MOXD1: variants seen among roughly 807,000 people sequenced by gnomAD.
MOXD1 encodes the protein monooxygenase DBH like 1.
A neutral mutation model predicts 66.6 loss-of-function variants in MOXD1; 62 were observed. That is an observed-to-expected ratio of 0.93 (90% CI 0.76 to 1.15). MOXD1 has a LOEUF of 1.15. MOXD1 is among the 50% of genes most tolerant of loss of function. The pLI is 0.00. For synonymous variants in MOXD1, 303 were observed against 281.9 expected (o/e 1.07, Z -0.75); for missense variants, 847 against 754.6 (o/e 1.12, Z -1.44).
chr6:132,332,876 T>A (rs964623802), intron 4 of MOXD1, among the ~76,000 whole-genome samples: 8 of 152,138 alleles, frequency 5.3e-5, no homozygotes, highest in Non-Finnish European at 8.8e-5. Context: ...GGAAGCAGAG[T>A]GAGGCACACA....
intron 10 of MOXD1, among the ~76,000 whole-genome samples, chr6:132,313,723 G>A (rs1774879654): frequency 6.6e-6 from 1 of 152,138 alleles, no homozygotes; most frequent in Admixed American, 6.6e-5. Context: ...AGACCAGCCT[G>A]CCCAACATGG....
intron 1 of MOXD1, among the ~76,000 whole-genome samples, chr6:132,382,089 A>T (rs1460842743): frequency 6.6e-6 from 1 of 152,118 alleles, no homozygotes. Context: ...TCATGGCCTG[A>T]TATCACAGTC....
In MOXD1 at chr6:132,320,696, A is replaced by G. The variant is rs367890727; in HGVS notation, c.1306-8T>C. 6 of 1,608,872 alleles carry G rather than the reference A, an allele frequency of 3.7e-6. No individual in the cohort carries two copies. The highest frequency in any genetic ancestry group is 2.2e-5 in the South Asian group (2 of 89,850). Reference sequence around the variant, plus strand: ...AGTAATTAGGTTATCTCCCTGAAACATAAAAGCAAAAGCTTTCAGATTGAA... The same window carrying G: ...AGTAATTAGGTTATCTCCCTGAAACGTAAAAGCAAAAGCTTTCAGATTGAA... On this transcript the variant is annotated splice_region_variant and splice_polypyrimidine_tract_variant and intron_variant, in intron 8 of 11. Transcript: ENST00000367963.
chr6:132,335,405 G>A (rs1775416648), intron 4 of MOXD1, among the ~76,000 whole-genome samples: 2 of 152,166 alleles, frequency 1.3e-5, no homozygotes, highest in South Asian at 4.1e-4. Context: ...AATTGGTTGA[G>A]AGGAGATCAT....
intron 9 of MOXD1, 80 bp from the exon 10 acceptor site, chr6:132,315,857 A>G: frequency 7.1e-7 from 1 of 1,399,582 alleles, no homozygotes; most frequent in Non-Finnish European, 9.9e-7. Flanking sequence ...TTAATGTCAT[A>G]CAGTTCCTTC....
At chr6:132,400,813 C>T (rs1367080621) in intron 1 of MOXD1, among the ~76,000 whole-genome samples, 1 of 152,140 alleles carries the variant, frequency 6.6e-6, no homozygotes, top group East Asian at 1.9e-4. Flanking sequence ...ATTAGGTCCC[C>T]AAAGCCAAAG....
chr6:132,359,896 C>T (rs552813553), intron 4 of MOXD1, among the ~76,000 whole-genome samples: 6 of 152,330 alleles, frequency 3.9e-5, no homozygotes, highest in East Asian at 3.9e-4. Flanking sequence ...GTCCTCCCTT[C>T]AATATTACAA....
intron 1 of MOXD1, among the ~76,000 whole-genome samples, chr6:132,396,872 C>T (rs1289620068): frequency 6.6e-6 from 1 of 152,156 alleles, no homozygotes; most frequent in East Asian, 1.9e-4. Context: ...GAGATTGAAT[C>T]AGTAATAAAA....
intron 4 of MOXD1, among the ~76,000 whole-genome samples, chr6:132,331,870 G>A (rs1490374585): frequency 6.6e-6 from 1 of 152,028 alleles, no homozygotes; most frequent in Non-Finnish European, 1.5e-5. Context: ...CCGGTGGGAG[G>A]GAGGATGAAA....
chr6:132,317,180 A>G (rs963436747), intron 9 of MOXD1, among the ~76,000 whole-genome samples: 19 of 152,182 alleles, frequency 1.2e-4, no homozygotes, highest in African/African-American at 4.6e-4. Context: ...CCAACCAAGA[A>G]TTCTGTATCC....
At chr6:132,330,352 A>T (rs1367585847) in intron 4 of MOXD1, among the ~76,000 whole-genome samples, 1 of 152,204 alleles carries the variant, frequency 6.6e-6, no homozygotes, top group Non-Finnish European at 1.5e-5. Context: ...TGCGAATCTT[A>T]TTATGAACTA....
At chr6:132,391,021 G>A (rs974244775) in intron 1 of MOXD1, 1 of 151,386 alleles carries the variant, frequency 6.6e-6, no homozygotes, top group African/African-American at 2.4e-5. Context: ...GAGAAGAAGA[G>A]TACCAAACTG....
chr6:132,309,543 A>G (rs1399810622), intron 10 of MOXD1, among the ~76,000 whole-genome samples: 1 of 152,234 alleles, frequency 6.6e-6, no homozygotes, highest in Non-Finnish European at 1.5e-5. Flanking sequence ...ATGGAATCAA[A>G]GAAGACTCTG....
chr6:132,352,060 C>A (rs903476297), intron 4 of MOXD1, among the ~76,000 whole-genome samples: 2 of 152,058 alleles, frequency 1.3e-5, no homozygotes, highest in African/African-American at 4.8e-5. Context: ...CTTTATTTAT[C>A]TTTTCAAAGA....
Position 132,349,381 on chromosome 6 carries a change from G to GTATATATATATACACATATATATACA in MOXD1, c.664-20813_664-20788dup, listed in dbSNP as rs1562289827. Among the ~76,000 whole-genome samples, 51 of 80,558 alleles carry GTATATATATATACACATATATATACA rather than the reference G, an allele frequency of 6.3e-4. 3 individuals carry two copies. Among genetic ancestry groups the GTATATATATATACACATATATATACA allele is most frequent in the Non-Finnish European group, 1.1e-3 (44 of 41,816 alleles). 52.8% of individuals were successfully genotyped at this position (80,558 alleles called of 152,430 possible). On this transcript the variant is annotated intron_variant, in intron 4 of 11. Transcript: ENST00000367963. The stretch of plus-strand genomic sequence containing the variant: ...TATTCCATCATATATATATATACAT[G>GTATATATATATACACATATATATACA]TATATATATATACACATATATATAC...
rs201736687 is a variant in MOXD1 at position 132,401,227 on chromosome 6, G to C, written c.200C>G (p.Thr67Ser). The change falls in exon 1 of 12, where the codon ACC becomes AGC. Residue 67 changes from threonine (T) to serine (S), a missense_variant. By Grantham distance (58) the Thr-to-Ser change is moderately conservative. Transcript: ENST00000367963. ...GATGTCGGCGGACGCCATGGCCCCG[G>C]TGGGCGAGAAGCCGAAGCCCACGTA... ...AGYVGFGFSP[T>S]GAMASADIVV... The C allele has an allele frequency of 9.6e-5, 152 of 1,579,822 alleles. No homozygotes were observed. In the African/African-American group the frequency reaches 1.7e-3, roughly 18 times the overall value.
chr6:132,340,889 G>A (rs367930961), intron 4 of MOXD1, among the ~76,000 whole-genome samples: 13 of 151,826 alleles, frequency 8.6e-5, no homozygotes, highest in South Asian at 4.2e-4. Flanking sequence ...CTCGTGATCC[G>A]CCCGCCTCGG....
chr6:132,349,736 C>T (rs1246066996), intron 4 of MOXD1, among the ~76,000 whole-genome samples: 1 of 151,870 alleles, frequency 6.6e-6, no homozygotes, highest in Non-Finnish European at 1.5e-5. Flanking sequence ...TACATTCCCA[C>T]CAGCAGTGTA....
At chr6:132,353,880 C>G (rs1180361981) in intron 4 of MOXD1, among the ~76,000 whole-genome samples, 1 of 151,722 alleles carries the variant, frequency 6.6e-6, no homozygotes, top group Non-Finnish European at 1.5e-5. Context: ...TTTTCTTTGT[C>G]TTTGTTGGAT....
Sources: gnomAD v4.1 joint callset for allele counts (sites outside exome capture counted in the v4.1 genomes callset) on GRCh38, gnomAD v4.1.1 for gene constraint, MANE v1.5 for transcripts, NCBI Gene and HGNC (gene_info 2026-07-23, HGNC 2026-07-21) for gene names.